Variants in CFAP20DC observed in about 807,000 individuals in gnomAD.
CFAP20DC encodes the protein CFAP20 domain containing, also known as protein CFAP20DC.
In CFAP20DC, 84 loss-of-function variants were observed where a neutral mutation model predicts 101.7. The observed-to-expected ratio is 0.83, with a 90% CI of 0.69 to 0.99. The LOEUF (loss-of-function observed/expected upper bound fraction) is 0.99. Among genes scored for constraint, CFAP20DC ranks in the 50% least tolerant of loss-of-function variants. The probability of loss-of-function intolerance (pLI) is 0.00; values close to 1 mark genes in which losing one functional copy is unlikely to be tolerated. For missense variants in CFAP20DC, 1,007 were observed against 970.3 expected, an observed-to-expected ratio of 1.04 and a Z score of -0.50; for synonymous variants, 359 against 351.2, an observed-to-expected ratio of 1.02 and a Z score of -0.25.
intron 7 of CFAP20DC, among the ~76,000 whole-genome samples, chr3:58,878,520 G>A (rs1325315640): frequency 2.0e-5 from 3 of 151,854 alleles, no homozygotes; most frequent in Non-Finnish European, 4.4e-5. Context: ...CTTTTTTTTA[G>A]GGAAACAAGT....
intron 16 of CFAP20DC, among the ~76,000 whole-genome samples, chr3:58,745,985 A>G (rs760680222): frequency 6.6e-6 from 1 of 152,210 alleles, no homozygotes; most frequent in Non-Finnish European, 1.5e-5. Flanking sequence ...AGTAAATGTT[A>G]TCACCATCAT....
chr3:58,738,402 C>G (rs529103292), downstream of CFAP20DC, among the ~76,000 whole-genome samples: 1 of 152,192 alleles, frequency 6.6e-6, no homozygotes, highest in African/African-American at 2.4e-5. The surrounding 1 kb of genome is among the most constrained non-coding windows in gnomAD (Gnocchi z 4.4). Flanking sequence ...CATGTGTTCT[C>G]ATTGTTCAGC....
rs963925572 is a variant in CFAP20DC at position 58,721,837 on chromosome 3, G to A, written c.198-4209C>T. 6.6e-6 allele frequency among the ~76,000 whole-genome samples: 1 copy of A among 152,148 alleles called. No individual in the cohort carries two copies. Among genetic ancestry groups the A allele is most frequent in the South Asian group, 2.1e-4 (1 of 4,828 alleles). On this transcript the variant is annotated intron_variant, in intron 3 of 3. Coordinates refer to the CFAP20DC transcript ENST00000486145. The surrounding 1 kb of genome is among the most constrained non-coding windows in gnomAD (Gnocchi z 5.2). The stretch of plus-strand genomic sequence containing the variant: ...AGGAATCCAAAGTGGAGACCACCAG[G>A]CTCTGGTCATGTTGGGGTTGATTTT...
At position 58,912,600 on chromosome 3, in the gene CFAP20DC, C is replaced by T. The variant is rs1275814899; in HGVS notation, c.550+1108G>A. 1 of 403,288 alleles carries T rather than the reference C, an allele frequency of 2.5e-6. No individual in the cohort carries two copies. Among genetic ancestry groups the T allele is most frequent in the Non-Finnish European group, 4.9e-6 (1 of 205,778 alleles). 25.0% of individuals were successfully genotyped at this position (403,288 alleles called of 1,614,324 possible). A position where few individuals can be genotyped will look rare whatever the true frequency, so the allele number is the denominator to read the frequency against. ...CTTATATGCAGCCCTGCTTCCTGGA[C>T]TTCTAGAAGAATTGATTTAACAAAT... On this transcript the variant is annotated intron_variant, in intron 6 of 16. Coordinates refer to ENST00000482387, the MANE Select transcript of CFAP20DC (RefSeq NM_001394063.1). The surrounding 1 kb of genome is among the most constrained non-coding windows in gnomAD (Gnocchi z 4.4).
chr3:58,879,172 G>T (rs770424149), intron 7 of CFAP20DC, among the ~76,000 whole-genome samples: 10 of 152,108 alleles, frequency 6.6e-5, no homozygotes, highest in Non-Finnish European at 1.2e-4. Flanking sequence ...TTTCAAAACA[G>T]CTAGAAGAAA....
intron 4 of CFAP20DC, chr3:59,017,922 TACAA>T (rs879819760): frequency 6.6e-6 from 1 of 152,124 alleles, no homozygotes; most frequent in Admixed American, 6.5e-5. Flanking sequence ...GGGTGCCAGC[TACAA>T]ACAGAGTGCA....
intron 15 of CFAP20DC, among the ~76,000 whole-genome samples, chr3:58,793,789 T>C (rs1213738961): frequency 6.6e-6 from 1 of 152,224 alleles, no homozygotes; most frequent in Non-Finnish European, 1.5e-5. Flanking sequence ...TTACTTAAGC[T>C]GAGACTTTCA....
At chr3:58,942,648 T>C (rs1009015226) in intron 4 of CFAP20DC, among the ~76,000 whole-genome samples, 19 of 152,156 alleles carry the variant, frequency 1.2e-4, no homozygotes, top group Admixed American at 9.2e-4. Flanking sequence ...ACAGGGCAGC[T>C]GTTTGGGCAG....
intron 12 of CFAP20DC, among the ~76,000 whole-genome samples, chr3:58,853,247 A>G (rs1355901112): frequency 1.3e-5 from 2 of 152,194 alleles, no homozygotes; most frequent in African/African-American, 4.8e-5. Flanking sequence ...AAATGGATAA[A>G]TTTCTCGACA....
At chr3:59,039,530 C>T in intron 4 of CFAP20DC, 27 bp downstream of exon 4, 1 of 1,360,814 alleles carries the variant, frequency 7.3e-7, no homozygotes, top group Non-Finnish European at 1.0e-6. Flanking sequence ...ACACACAAAA[C>T]ATTCAAAGAA....
rs1464407823 is a variant in CFAP20DC at position 58,892,210 on chromosome 3, G to A, written c.551-7501C>T. Among the ~76,000 whole-genome samples, 5 of 152,178 alleles carry A rather than the reference G, an allele frequency of 3.3e-5. No individual in the cohort carries two copies. The highest frequency in any genetic ancestry group is 1.2e-4 in the African/African-American group (5 of 41,442). On this transcript the variant is annotated intron_variant, in intron 6 of 16. Transcript: ENST00000482387. The surrounding 1 kb of genome is among the most constrained non-coding windows in gnomAD (Gnocchi z 4.0). ...GGTCTATGTGCCTGTTTTCGTATCA[G>A]TACCATGCTCTTTTGGTTACTGTAG...
chr3:58,935,420 C>A (rs2087408365), intron 5 of CFAP20DC, among the ~76,000 whole-genome samples: 1 of 151,964 alleles, frequency 6.6e-6, no homozygotes, highest in Non-Finnish European at 1.5e-5. Context: ...TTGGAAAAAA[C>A]TACTTTAAAG....
intron 14 of CFAP20DC, among the ~76,000 whole-genome samples, chr3:58,822,711 A>C (rs1453712898): frequency 6.6e-6 from 1 of 152,180 alleles, no homozygotes; most frequent in Non-Finnish European, 1.5e-5. Context: ...ACACGAACAC[A>C]TAGAAAGGTG....
At chr3:58,884,451 A>T in intron 7 of CFAP20DC, 94 bp downstream of exon 7, 1 of 1,172,170 alleles carries the variant, frequency 8.5e-7, no homozygotes, top group Non-Finnish European at 1.2e-6. Context: ...AGGATATAGA[A>T]GAATGAGGTA....
At chr3:58,945,250 T>C (rs2089187805) in intron 4 of CFAP20DC, among the ~76,000 whole-genome samples, 1 of 152,174 alleles carries the variant, frequency 6.6e-6, no homozygotes, top group African/African-American at 2.4e-5. Flanking sequence ...CTGAAGTACA[T>C]GCTTGCTTTC....
In CFAP20DC at chr3:58,896,654, C is replaced by T. The variant is rs79524950; in HGVS notation, c.551-11945G>A. Among the ~76,000 whole-genome samples the T allele has an allele frequency of 4.6e-5, 7 of 152,300 alleles. No individual in the cohort carries two copies. In the East Asian group the frequency reaches 1.3e-3, roughly 29 times the overall value. ...TCCCATTATTTACCTAAGAGTAACT[C>T]AGGATCCGGTTGTTCAATTTCCAAG... On this transcript the variant is annotated intron_variant, in intron 6 of 16. Coordinates refer to ENST00000482387, the MANE Select transcript of CFAP20DC (RefSeq NM_001394063.1).
In CFAP20DC at chr3:58,912,515, C is replaced by T. The variant is rs146309892; in HGVS notation, c.550+1193G>A. The T allele has an allele frequency of 2.5e-3, 809 of 329,058 alleles. 4 individuals are homozygous for T. Among genetic ancestry groups the T allele is most frequent in the African/African-American group, 0.017 (763 of 45,792 alleles). The allele number at this position is 329,058 out of a possible 1,614,324, so 20.4% of individuals were successfully genotyped here. ...CACATCAAGATTTCTCAGGCACACACCCAGATGGAGCACAAATCTGAAGTC... is the reference window on the plus strand; with the variant it reads ...CACATCAAGATTTCTCAGGCACACATCCAGATGGAGCACAAATCTGAAGTC... On this transcript the variant is annotated intron_variant, in intron 6 of 16. Transcript: ENST00000482387. The surrounding 1 kb of genome is among the most constrained non-coding windows in gnomAD (Gnocchi z 4.4).
intron 7 of CFAP20DC, among the ~76,000 whole-genome samples, chr3:58,880,342 CACTG>C (rs2081139654): frequency 6.6e-6 from 1 of 152,120 alleles, no homozygotes; most frequent in East Asian, 1.9e-4. Context: ...TTCTATTTTT[CACTG>C]ACTGACACAG....
At chr3:59,035,747 A>G (rs1196546153) in intron 4 of CFAP20DC, among the ~76,000 whole-genome samples, 1 of 152,202 alleles carries the variant, frequency 6.6e-6, no homozygotes. Context: ...ACAGATTCAC[A>G]GCCAAATTCT....
Sources: gnomAD v4.1 joint callset for allele counts (sites outside exome capture counted in the v4.1 genomes callset) on GRCh38, gnomAD v4.1.1 for gene constraint, Gnocchi (gnomAD v3.1) non-coding constraint, MANE v1.5 for transcripts, NCBI Gene and HGNC (gene_info 2026-07-23, HGNC 2026-07-21) for gene names.